Variants in ACAD11 observed in about 807,000 individuals in gnomAD.
ACAD11 encodes acyl-CoA dehydrogenase family member 11.
In ACAD11, 83 loss-of-function variants were observed where a neutral mutation model predicts 102.2. The ratio of observed to expected loss-of-function variants is 0.81; its 90% confidence interval spans 0.68 to 0.97. The LOEUF is 0.97. Among genes scored for constraint, ACAD11 ranks in the 50% least tolerant of loss-of-function variants. The probability of loss-of-function intolerance (pLI) is 0.00; values close to 1 mark genes in which losing one functional copy is unlikely to be tolerated. For missense variants in ACAD11, 901 were observed against 951.7 expected, an observed-to-expected ratio of 0.95 and a Z score of 0.70; for synonymous variants, 324 against 319.8, an observed-to-expected ratio of 1.01 and a Z score of -0.14.
At chr3:132,606,481 C>T (rs1321115740) in intron 11 of ACAD11, among the ~76,000 whole-genome samples, 1 of 152,072 alleles carries the variant, frequency 6.6e-6, no homozygotes, top group East Asian at 1.9e-4. Flanking sequence ...CCGAAAAGCT[C>T]ACAAAGTTAT....
chr3:132,632,240 C>G (rs12492476), intron 5 of ACAD11, among the ~76,000 whole-genome samples: 1 of 151,872 alleles, frequency 6.6e-6, no homozygotes, highest in Non-Finnish European at 1.5e-5. Context: ...CTCGCCACCA[C>G]GCCCGGCTAA....
At chr3:132,599,207 G>T (rs1938456971) in intron 13 of ACAD11, among the ~76,000 whole-genome samples, 1 of 151,744 alleles carries the variant, frequency 6.6e-6, no homozygotes, top group South Asian at 2.1e-4. Context: ...ATAAATAAAT[G>T]GATTAAAATT....
At chr3:132,658,199 T>C (rs901351290) in intron 1 of ACAD11, among the ~76,000 whole-genome samples, 1 of 152,170 alleles carries the variant, frequency 6.6e-6, no homozygotes, top group African/African-American at 2.4e-5. Context: ...ATTGATTCTT[T>C]TGAGTTTCTG....
intron 11 of ACAD11, among the ~76,000 whole-genome samples, chr3:132,607,432 G>T (rs1049274986): frequency 2.0e-5 from 3 of 152,124 alleles, no homozygotes; most frequent in Non-Finnish European, 2.9e-5. Context: ...GACCATAAAT[G>T]ACCTGATAGA....
chr3:132,577,436 A>T (rs73218001), intron 15 of ACAD11, among the ~76,000 whole-genome samples: 6,960 of 152,234 alleles, frequency 0.046, 187 homozygotes, highest in Non-Finnish European at 0.059. Flanking sequence ...CATGTTTCTT[A>T]TTTTATCATT....
intron 11 of ACAD11, among the ~76,000 whole-genome samples, chr3:132,609,586 A>T (rs113375785): frequency 0.021 from 3,264 of 152,254 alleles, 56 homozygotes; most frequent in South Asian, 0.072. Flanking sequence ...ACCAAAAAGA[A>T]GTCAAATCCC....
intron 17 of ACAD11, among the ~76,000 whole-genome samples, chr3:132,566,605 A>G (rs1937220610): frequency 6.6e-6 from 1 of 152,132 alleles, no homozygotes. Context: ...TACCTATAGC[A>G]GGGATATATA....
chr3:132,618,428 A>C (rs1401090728), intron 11 of ACAD11: 1 of 514,062 alleles, frequency 1.9e-6, no homozygotes, highest in Non-Finnish European at 3.2e-6. Flanking sequence ...CAATACTCTT[A>C]ATTGTAATGA....
At chr3:132,633,710 A>AT (rs1940148599) in intron 5 of ACAD11, among the ~76,000 whole-genome samples, 4 of 152,158 alleles carry the variant, frequency 2.6e-5, no homozygotes, top group African/African-American at 9.6e-5. Flanking sequence ...AAAACAGAGT[A>AT]ATAGACCAAT....
At position 132,642,647 on chromosome 3, in the gene ACAD11, G is replaced by C. The variant is rs116214653; in HGVS notation, c.375+30C>G. ...ATTAACTTCATAATTAAAAGTAAAA[G>C]CAACAAAATAAGATTAAGTGTTAAT... On this transcript the variant is annotated intron_variant, in intron 3 of 19. Transcript: ENST00000264990. 2,859 of 1,560,810 alleles carry C rather than the reference G, an allele frequency of 1.8e-3. 55 individuals are homozygous for C. In the African/African-American group the frequency reaches 0.035, roughly 19 times the overall value.
chr3:132,612,887 A>G (rs1384527188), intron 11 of ACAD11, among the ~76,000 whole-genome samples: 1 of 152,068 alleles, frequency 6.6e-6, no homozygotes, highest in Admixed American at 6.5e-5. Flanking sequence ...TATATACCCA[A>G]AGGATTATAA....
At chr3:132,641,602 A>AGAAGAG (rs1559973769) in intron 4 of ACAD11, among the ~76,000 whole-genome samples, 41 of 132,440 alleles carry the variant, frequency 3.1e-4, no homozygotes, top group African/African-American at 1.1e-3. Context: ...AAGAAGAAGA[A>AGAAGAG]GAGGAGGAAG....
chr3:132,585,898 G>A (rs1254535020), intron 13 of ACAD11, among the ~76,000 whole-genome samples: 2 of 152,194 alleles, frequency 1.3e-5, no homozygotes, highest in African/African-American at 4.8e-5. Context: ...TGGTGGGACT[G>A]TAAACTAGTT....
At chr3:132,657,191 A>G (rs1937855154) in intron 1 of ACAD11, among the ~76,000 whole-genome samples, 1 of 152,208 alleles carries the variant, frequency 6.6e-6, no homozygotes, top group African/African-American at 2.4e-5. Flanking sequence ...CTATTTCTTC[A>G]TACAGATAAC....
intron 17 of ACAD11, among the ~76,000 whole-genome samples, chr3:132,571,010 C>T (rs908431638): frequency 7.9e-5 from 12 of 152,044 alleles, no homozygotes; most frequent in African/African-American, 2.9e-4. Context: ...ACTTATATAC[C>T]TTTGCGTATA....
chr3:132,634,503 C>T (rs1940192039), intron 5 of ACAD11, among the ~76,000 whole-genome samples: 1 of 151,960 alleles, frequency 6.6e-6, no homozygotes, highest in Admixed American at 6.6e-5. Context: ...TGTGGCGATT[C>T]CTCAGGGATC....
chr3:132,618,801 A>C, intron 10 of ACAD11, 29 bp from the exon 11 acceptor site: 1 of 1,507,328 alleles, frequency 6.6e-7, no homozygotes, highest in African/African-American at 1.4e-5. Context: ...TGCCAGAGTG[A>C]CCATAATTTA....
rs1937007660 is a variant in ACAD11, at chr3:132,560,055, G to A, written c.2119-113C>T. The A allele has an allele frequency of 4.0e-6, 3 of 756,048 alleles. No homozygotes were observed. In the South Asian group the frequency reaches 5.6e-5, roughly 14 times the overall value. 46.8% of individuals were successfully genotyped at this position (756,048 alleles called of 1,614,324 possible). On this transcript the variant is annotated intron_variant, in intron 18 of 19. Coordinates refer to ENST00000264990, the MANE Select transcript of ACAD11 (RefSeq NM_032169.5). ...CACATCCAAGTCACCACTAAAACAG[G>A]ATCTTTAACAAAAGCCAACAAAGAG...
At chr3:132,575,975 A>C (rs757523180) in intron 16 of ACAD11, 49 bp from the exon 17 acceptor site, 2 of 1,594,164 alleles carry the variant, frequency 1.3e-6, no homozygotes, top group East Asian at 4.5e-5. Context: ...GGCCTAGCCC[A>C]TTCCTTTTGT....
Sources: gnomAD v4.1 joint callset for allele counts (sites outside exome capture counted in the v4.1 genomes callset) on GRCh38, gnomAD v4.1.1 for gene constraint, MANE v1.5 for transcripts, NCBI Gene and HGNC (gene_info 2026-07-23, HGNC 2026-07-21) for gene names.